The following ZFPM2 variants were observed in gnomAD, a reference collection of about 807,000 sequenced individuals.
The protein encoded by ZFPM2 is zinc finger protein, FOG family member 2.
ZFPM2 carries 20 observed loss-of-function variants against 98.6 expected under a neutral mutation model. That is an observed-to-expected ratio of 0.20 (90% CI 0.14 to 0.29). ZFPM2 has a LOEUF of 0.29. ZFPM2 is among the 10% of genes least tolerant of loss of function. The pLI is 1.00. For missense variants in ZFPM2, 1,310 were observed against 1,388.6 expected (o/e 0.94, Z 0.90); for synonymous variants, 518 against 502.7 (o/e 1.03, Z -0.41).
intron 4 of ZFPM2, among the ~76,000 whole-genome samples, chr8:105,627,165 T>C (rs1270652533): frequency 1.3e-5 from 2 of 152,224 alleles, no homozygotes; most frequent in African/African-American, 4.8e-5. Context: ...ACTATAAACA[T>C]TTATTGAAGG....
chr8:105,501,082 T>C (rs973348131), intron 3 of ZFPM2, among the ~76,000 whole-genome samples: 7 of 152,198 alleles, frequency 4.6e-5, no homozygotes, highest in Non-Finnish European at 8.8e-5. Context: ...CAGTTCCAAT[T>C]TGTAGTGCCC....
At chr8:105,487,539 C>T (rs1215027427) in intron 3 of ZFPM2, among the ~76,000 whole-genome samples, 1 of 152,096 alleles carries the variant, frequency 6.6e-6, no homozygotes, top group Non-Finnish European at 1.5e-5. Flanking sequence ...CTGTAAAGGA[C>T]TACTTATGGA....
Position 105,457,662 on chromosome 8 carries a change from A to G in ZFPM2, c.301+13281A>G, listed in dbSNP as rs1385529750. ...GTAAATTCACATTGGACCCACTTTA[A>G]GTTGTTACTCATAGATAGAAAATGG... On this transcript the variant is annotated intron_variant, in intron 3 of 7. Transcript: ENST00000407775. 2.6e-5 allele frequency among the ~76,000 whole-genome samples: 4 copies of G among 152,182 alleles called. No individual in the cohort carries two copies. In the East Asian group the frequency reaches 7.7e-4, roughly 29 times the overall value.
chr8:105,459,289 G>A (rs1244648728), intron 3 of ZFPM2, among the ~76,000 whole-genome samples: 1 of 152,178 alleles, frequency 6.6e-6, no homozygotes, highest in Non-Finnish European at 1.5e-5. Context: ...AGACAAATAG[G>A]AACCAGAACC....
chr8:105,719,272 G>A (rs568342678), intron 5 of ZFPM2, among the ~76,000 whole-genome samples: 119 of 151,960 alleles, frequency 7.8e-4, no homozygotes, highest in African/African-American at 2.8e-3. Flanking sequence ...GTATAAATGT[G>A]CTATGTTAAT....
intron 3 of ZFPM2, among the ~76,000 whole-genome samples, chr8:105,542,952 T>G (rs1814611754): frequency 6.6e-6 from 1 of 152,152 alleles, no homozygotes; most frequent in African/African-American, 2.4e-5. Flanking sequence ...TCTGTAATTT[T>G]AAAAATAACT....
At chr8:105,666,723 G>A (rs1817495373) in intron 5 of ZFPM2, among the ~76,000 whole-genome samples, 1 of 152,058 alleles carries the variant, frequency 6.6e-6, no homozygotes, top group African/African-American at 2.4e-5. Flanking sequence ...GAGCAATGAT[G>A]GGTGAAACTG....
chr8:105,676,872 AG>A (rs1270516689), intron 5 of ZFPM2, among the ~76,000 whole-genome samples: 1 of 152,140 alleles, frequency 6.6e-6, no homozygotes, highest in Non-Finnish European at 1.5e-5. Context: ...CTTGTCAAAA[AG>A]TGTCTAAAAT....
At chr8:105,518,353 T>G (rs1813981446) in intron 3 of ZFPM2, among the ~76,000 whole-genome samples, 2 of 152,348 alleles carry the variant, frequency 1.3e-5, no homozygotes, top group South Asian at 4.1e-4. Context: ...TTAGCTCAGA[T>G]GGATAGCAAC....
At chr8:105,503,959 T>A (rs567101622) in intron 3 of ZFPM2, among the ~76,000 whole-genome samples, 11 of 152,286 alleles carry the variant, frequency 7.2e-5, no homozygotes, top group Non-Finnish European at 1.6e-4. Flanking sequence ...TGTGGCATCA[T>A]TTGAACCCCA....
At chr8:105,779,281 G>T (rs1813187997) in intron 5 of ZFPM2, among the ~76,000 whole-genome samples, 1 of 152,144 alleles carries the variant, frequency 6.6e-6, no homozygotes, top group African/African-American at 2.4e-5. Flanking sequence ...GGTTCAATTT[G>T]CTATATATTT....
At position 105,788,867 on chromosome 8, in the gene ZFPM2, C is replaced by A; in HGVS notation, c.682C>A (p.Gln228Lys). The A allele has an allele frequency of 6.2e-7, 1 of 1,613,824 alleles. No homozygotes were observed. Among genetic ancestry groups the A allele is most frequent in the Non-Finnish European group, 8.5e-7 (1 of 1,179,854 alleles). The stretch of plus-strand genomic sequence containing the variant: ...CCCTGCACGCCTGCTGGACTCAATT[C>A]AGCTGCTTCCTCAGCAAGCTGCCAT... ...MYPARLLDSIQLLPQQAAMAS... is the reference protein window; with the variant it reads ...MYPARLLDSIKLLPQQAAMAS... Residue 228 changes from glutamine to lysine, a missense_variant, in exon 6 of 8, where the codon CAG (glutamine) becomes AAG (lysine). Physicochemically the swap from Gln to Lys is moderately conservative, Grantham distance 53. Transcript: ENST00000407775.
At chr8:105,698,080 A>T (rs1420577784) in intron 5 of ZFPM2, among the ~76,000 whole-genome samples, 1 of 152,252 alleles carries the variant, frequency 6.6e-6, no homozygotes, top group Admixed American at 6.5e-5. Context: ...GTCTTTCACA[A>T]TGCCTAATTT....
intron 4 of ZFPM2, among the ~76,000 whole-genome samples, chr8:105,631,339 T>G (rs919123153): frequency 6.6e-6 from 1 of 152,176 alleles, no homozygotes; most frequent in Non-Finnish European, 1.5e-5. Context: ...AACAATAATA[T>G]TAATGATGAT....
At chr8:105,748,421 A>G (rs780572429) in intron 5 of ZFPM2, among the ~76,000 whole-genome samples, 7 of 152,188 alleles carry the variant, frequency 4.6e-5, no homozygotes, top group Middle Eastern at 3.4e-3. Context: ...TCAACATGCA[A>G]TCTTGATTTC....
At chr8:105,472,786 G>A (rs1376723212) in intron 3 of ZFPM2, among the ~76,000 whole-genome samples, 3 of 151,692 alleles carry the variant, frequency 2.0e-5, no homozygotes, top group Admixed American at 6.6e-5. Context: ...GGGATTACAG[G>A]CGTGAGCCAC....
intron 4 of ZFPM2, among the ~76,000 whole-genome samples, chr8:105,633,851 C>T (rs1586163895): frequency 6.6e-6 from 1 of 152,100 alleles, no homozygotes; most frequent in East Asian, 1.9e-4. Flanking sequence ...TCTTTCCTGT[C>T]TGTTTCAGGA....
chr8:105,763,029 A>T (rs1812768112), intron 5 of ZFPM2, among the ~76,000 whole-genome samples: 1 of 151,458 alleles, frequency 6.6e-6, no homozygotes, highest in Non-Finnish European at 1.5e-5. Flanking sequence ...AAATAAAAAT[A>T]ACATATCAAT....
intron 4 of ZFPM2, among the ~76,000 whole-genome samples, chr8:105,603,952 C>A (rs1816144916): frequency 6.6e-6 from 1 of 151,914 alleles, no homozygotes; most frequent in Admixed American, 6.6e-5. Flanking sequence ...GTCCAGGACT[C>A]CGGTCTATTC....
Sources: gnomAD v4.1 joint callset for allele counts (sites outside exome capture counted in the v4.1 genomes callset) on GRCh38, gnomAD v4.1.1 for gene constraint, MANE v1.5 for transcripts, NCBI Gene and HGNC (gene_info 2026-07-23, HGNC 2026-07-21) for gene names.